Variants in REXO1 observed in about 807,000 individuals in gnomAD.
REXO1 encodes the protein RNA exonuclease 1 homolog.
REXO1 carries 42 observed loss-of-function variants against 102.6 expected under a neutral mutation model. That is an observed-to-expected ratio of 0.41 (90% confidence interval 0.32 to 0.53). REXO1 has a LOEUF of 0.53. Among genes scored for constraint, REXO1 ranks in the 20% least tolerant of loss-of-function variants. The pLI, the probability that REXO1 is intolerant of heterozygous loss-of-function variation, is 0.27. For missense variants in REXO1, 1,819 were observed against 1,732.5 expected, an observed-to-expected ratio of 1.05 and a Z score of -0.89; for synonymous variants, 908 against 779.1, an observed-to-expected ratio of 1.17 and a Z score of -2.76.
chr19:1,841,548 C>T (rs1207040977), intron 1 of REXO1, among the ~76,000 whole-genome samples: 1 of 152,222 alleles, frequency 6.6e-6, no homozygotes, highest in Non-Finnish European at 1.5e-5. Context: ...GGGGGTAACG[C>T]CCAGCAGGAG....
chr19:1,826,849 A>T lies in REXO1; in HGVS notation c.1911+29T>A, dbSNP rs894719445. On this transcript the variant is annotated intron_variant, in intron 2 of 15. Transcript: ENST00000170168. The surrounding 1 kb of genome is among the most constrained non-coding windows in gnomAD (Gnocchi z 4.3). Reference sequence around the variant, plus strand: ...AGGCCCTCGGCTCTGCCTCTGCCCGAGCCCAGCCCCAGCACCCGCGCGCCT... The same window carrying T: ...AGGCCCTCGGCTCTGCCTCTGCCCGTGCCCAGCCCCAGCACCCGCGCGCCT... The T allele has an allele frequency of 2.6e-6, 4 of 1,554,812 alleles. No individual in the cohort carries two copies. The highest frequency in any genetic ancestry group is 2.0e-5 in the Admixed American group (1 of 51,066).
At chr19:1,831,792 C>T (rs180869482) in intron 1 of REXO1, among the ~76,000 whole-genome samples, 1,582 of 142,242 alleles carry the variant, frequency 0.011, 11 homozygotes, top group Non-Finnish European at 0.018. Flanking sequence ...TTGCAGTGAG[C>T]CAAGATTGAG....
At chr19:1,817,643 C>A in intron 11 of REXO1, 64 bp downstream of exon 11, 1 of 1,531,494 alleles carries the variant, frequency 6.5e-7, no homozygotes, top group Non-Finnish European at 8.9e-7. Flanking sequence ...AGACCCCACA[C>A]CAACGATGGG....
chr19:1,827,369 G>T lies in REXO1; in HGVS notation c.1420C>A (p.Pro474Thr). ...CTGTCGGGCAGCTGGAGGGGGCGGG[G>T]TGGGCCTCTGCCGGCCGCCGGTCGG... Reference protein sequence around the residue: ...DSRPAAGRGPPRPLQLPDRKS... With the variant: ...DSRPAAGRGPTRPLQLPDRKS... The change falls in exon 2 of 16, where the codon CCC becomes ACC. Residue 474 changes from proline (P) to threonine (T), a missense_variant. Physicochemically the swap from Pro to Thr is conservative, Grantham distance 38. Coordinates refer to ENST00000170168, the MANE Select transcript of REXO1 (RefSeq NM_020695.4). The T allele has an allele frequency of 5.8e-6, 9 of 1,538,620 alleles. No individual in the cohort carries two copies. The highest frequency in any genetic ancestry group is 7.8e-6 in the Non-Finnish European group (9 of 1,148,780).
intron 1 of REXO1, among the ~76,000 whole-genome samples, chr19:1,835,526 C>T (rs200098475): frequency 1.6e-4 from 24 of 152,128 alleles, no homozygotes; most frequent in Non-Finnish European, 2.9e-4. Context: ...CCAACCTGGG[C>T]GACAGAGCTA....
Position 1,815,822 on chromosome 19 carries a change from G to A in REXO1, c.*244C>T. 1 of 1,500,764 alleles carries A rather than the reference G, an allele frequency of 6.7e-7. No homozygotes were observed. The highest frequency in any genetic ancestry group is 8.9e-7 in the Non-Finnish European group (1 of 1,126,938). The allele number at this position is 1,500,764 out of a possible 1,614,324, so 93.0% of individuals were successfully genotyped here. A position where few individuals can be genotyped will look rare whatever the true frequency, so the allele number is the denominator to read the frequency against. On this transcript the variant is annotated 3_prime_UTR_variant, in exon 16 of 16. Coordinates refer to ENST00000170168, the MANE Select transcript of REXO1 (RefSeq NM_020695.4). The surrounding 1 kb of genome is among the most constrained non-coding windows in gnomAD (Gnocchi z 4.0). ...GCGGGCTCTGTCCTGGTCTCCATCA[G>A]CAGCAGTTTCTAGAGACGCCAGAGG...
chr19:1,821,630 G>A lies in REXO1; in HGVS notation c.2283C>T (p.Asn761=), dbSNP rs772587402. 3.0e-5 allele frequency: 48 copies of A among 1,613,422 alleles called. No homozygotes were observed. Among genetic ancestry groups the A allele is most frequent in the East Asian group, 2.0e-4 (9 of 44,876 alleles). ...GCTGCTGGCCACCTGGCTCAGGGCC[G>A]TTGGAGGACTGGCTGCCGCTGGCCG... is the stretch of plus-strand genomic sequence containing the variant. ...TLAASGSQSS[N]GPEPGGQQLK... is the part of the protein sequence containing the mutation. The change falls in exon 5 of 16, where the codon AAC becomes AAT. Residue 761 remains asparagine (N), a synonymous_variant. Coordinates refer to ENST00000170168, the MANE Select transcript of REXO1 (RefSeq NM_020695.4).
At position 1,818,600 on chromosome 19, in the gene REXO1, G is replaced by T; in HGVS notation, c.2903-5C>A. ...GGCAGCAGGTCCTGCAGGAAGCTGT[G>T]GGTGGGGACCCAGGTGGAAGCTGAG... is the stretch of plus-strand genomic sequence containing the variant. On this transcript the variant is annotated splice_region_variant and splice_polypyrimidine_tract_variant and intron_variant, in intron 9 of 15. Coordinates refer to ENST00000170168, the MANE Select transcript of REXO1 (RefSeq NM_020695.4). The T allele has an allele frequency of 6.2e-7, 1 of 1,609,104 alleles. No individual in the cohort carries two copies. The highest frequency in any genetic ancestry group is 8.5e-7 in the Non-Finnish European group (1 of 1,178,560).
At position 1,816,035 on chromosome 19, in the gene REXO1, G is replaced by A; in HGVS notation, c.*31C>T. 1 of 1,541,186 alleles carries A rather than the reference G, an allele frequency of 6.5e-7. No homozygotes were observed. The highest frequency in any genetic ancestry group is 2.4e-5 in the East Asian group (1 of 40,978). ...CATGGGGCTAAGGACCAGCGGGACG[G>A]CAGGAGAGGCGGGTGGGAGGCGGGC... is the stretch of plus-strand genomic sequence containing the variant. On this transcript the variant is annotated 3_prime_UTR_variant, in exon 16 of 16. Transcript: ENST00000170168.
chr19:1,821,742 A>ACCAGGCAGGCGGG (rs2069549194), intron 4 of REXO1, 60 bp from the exon 5 acceptor site: 17 of 1,498,262 alleles, frequency 1.1e-5, no homozygotes, highest in Non-Finnish European at 1.5e-5. Flanking sequence ...CACGTGGCGG[A>ACCAGGCAGGCGGG]GCACCAGGCA....
Position 1,839,255 on chromosome 19 carries a change from CAA to C in REXO1, c.157+8945_157+8946del, listed in dbSNP as rs56278521. On this transcript the variant is annotated intron_variant, in intron 1 of 15. Transcript: ENST00000170168. ...GGGCGACAGAGCGAGACTCTATCTC[CAA>C]AAAAAAAAAAAAAGAGTCCAGCTCT... is the stretch of plus-strand genomic sequence containing the variant. Among the ~76,000 whole-genome samples the C allele has an allele frequency of 2.9e-3, 385 of 133,344 alleles. 1 individual carries two copies. The highest frequency in any genetic ancestry group is 8.9e-3 in the African/African-American group (331 of 37,326). 87.5% of individuals were successfully genotyped at this position (133,344 alleles called of 152,430 possible).
In REXO1 at chr19:1,825,710, A is replaced by C. The variant is rs2069694913; in HGVS notation, c.2016+129T>G. 7.8e-6 allele frequency: 5 copies of C among 637,840 alleles called. No individual in the cohort carries two copies. In the East Asian group the frequency reaches 1.4e-4, roughly 18 times the overall value. The allele number at this position is 637,840 out of a possible 1,614,324, so 39.5% of individuals were successfully genotyped here. A position where few individuals can be genotyped will look rare whatever the true frequency, so the allele number is the denominator to read the frequency against. On this transcript the variant is annotated intron_variant, in intron 3 of 15. Coordinates refer to ENST00000170168, the MANE Select transcript of REXO1 (RefSeq NM_020695.4). ...AGGCTGGTCTCGAACTCCTGGCCTC[A>C]GGTGATCCACCCGCCTTGGCCTCCC... is the stretch of plus-strand genomic sequence containing the variant.
Position 1,823,774 on chromosome 19 carries a change from C to T in REXO1, c.2028G>A (p.Pro676=), listed in dbSNP as rs759353431. ...CCGGGGGCACCGCGGGACCCCTCCTCGGGGGCTCCACCTGCGTCACCACAA... is the reference window on the plus strand; with the variant it reads ...CCGGGGGCACCGCGGGACCCCTCCTTGGGGGCTCCACCTGCGTCACCACAA... The part of the protein sequence containing the change: ...LSKQGQEVEP[P]RRGPAVPPAR... Residue 676 remains proline, a synonymous_variant, in exon 4 of 16, where the codon CCG becomes CCA. Transcript: ENST00000170168. 185 of 1,245,242 alleles carry T rather than the reference C, an allele frequency of 1.5e-4. No individual in the cohort carries two copies. Among genetic ancestry groups the T allele is most frequent in the Admixed American group, 2.0e-4 (5 of 25,540 alleles). 77.1% of individuals were successfully genotyped at this position (1,245,242 alleles called of 1,614,324 possible). A position where few individuals can be genotyped will look rare whatever the true frequency, so the allele number is the denominator to read the frequency against.
intron 1 of REXO1, among the ~76,000 whole-genome samples, chr19:1,833,132 G>A (rs2069950314): frequency 6.6e-6 from 1 of 152,114 alleles, no homozygotes; most frequent in African/African-American, 2.4e-5. Context: ...GGCTGAGGTG[G>A]GAGGATCTCT....
chr19:1,846,043 G>A (rs1386059808), intron 1 of REXO1, among the ~76,000 whole-genome samples: 1 of 152,238 alleles, frequency 6.6e-6, no homozygotes, highest in Non-Finnish European at 1.5e-5. Context: ...AGGTGCTCCA[G>A]GGCTAGCTGA....
intron 6 of REXO1, 101 bp downstream of exon 6, chr19:1,820,163 T>G: frequency 6.4e-7 from 1 of 1,560,768 alleles, no homozygotes; most frequent in Non-Finnish European, 8.7e-7. Flanking sequence ...CCCAGGCAGC[T>G]CCGGGTCACA....
At chr19:1,830,901 G>A (rs961549638) in intron 1 of REXO1, 1 of 153,698 alleles carries the variant, frequency 6.5e-6, no homozygotes, top group Non-Finnish European at 1.5e-5. Context: ...CGCAGGAGAT[G>A]ACCTAGAAGC....
chr19:1,819,010 G>A lies in REXO1; in HGVS notation c.2764+8C>T, dbSNP rs771073988. 6.3e-7 allele frequency: 1 copy of A among 1,597,936 alleles called. No homozygotes were observed. The highest frequency in any genetic ancestry group is 8.5e-7 in the Non-Finnish European group (1 of 1,171,088). ...GCACCGTGTGGCAGAGCAGGGGCAG[G>A]GCCTTACCTTTCAGGTCCTCCACCC... On this transcript the variant is annotated splice_region_variant and intron_variant, in intron 8 of 15. Transcript: ENST00000170168.
chr19:1,826,475 TGGGGGAAGGGAGGAGGGGAGAAGAGA>T lies in REXO1; in HGVS notation c.1911+377_1911+402del, dbSNP rs557898524. Among the ~76,000 whole-genome samples the T allele has an allele frequency of 4.7e-5, 2 of 42,666 alleles. No individual in the cohort carries two copies. Among genetic ancestry groups the T allele is most frequent in the South Asian group, 8.4e-4 (1 of 1,192 alleles). The allele number at this position is 42,666 out of a possible 152,430, so 28.0% of individuals were successfully genotyped here. On this transcript the variant is annotated intron_variant, in intron 2 of 15. Coordinates refer to ENST00000170168, the MANE Select transcript of REXO1 (RefSeq NM_020695.4). The surrounding 1 kb of genome is among the most constrained non-coding windows in gnomAD (Gnocchi z 4.3). ...GGAGCTGGAAGAGAAGAGACAGAGA[TGGGGGAAGGGAGGAGGGGAGAAGAGA>T]GGGGGAAGGGAGGAAAGGGGAGGCG...
Sources: gnomAD v4.1 joint callset for allele counts (sites outside exome capture counted in the v4.1 genomes callset) on GRCh38, gnomAD v4.1.1 for gene constraint, Gnocchi (gnomAD v3.1) non-coding constraint, MANE v1.5 for transcripts, NCBI Gene and HGNC (gene_info 2026-07-23, HGNC 2026-07-21) for gene names.